Variants in GOLGA4 observed in about 807,000 individuals in gnomAD.
GOLGA4 encodes golgin subfamily A member 4.
A neutral mutation model predicts 265.9 loss-of-function variants in GOLGA4; 169 were observed. The observed-to-expected ratio is 0.64, with a 90% CI of 0.56 to 0.72. The LOEUF is 0.72. Ranked by LOEUF, GOLGA4 falls within the 30% of genes least tolerant of loss-of-function variation. The probability of loss-of-function intolerance (pLI) is 0.00; values close to 1 mark genes in which losing one functional copy is unlikely to be tolerated. For synonymous variants in GOLGA4, 923 were observed against 855.8 expected, an observed-to-expected ratio of 1.08 and a Z score of -1.37; for missense variants, 2,482 against 2,483.4, an observed-to-expected ratio of 1.00 and a Z score of 0.01.
rs1249058764 is a variant in GOLGA4 at position 37,315,433 on chromosome 3, T to G, written c.1248T>G (p.Leu416=). The G allele has an allele frequency of 6.2e-7, 1 of 1,610,796 alleles. No individual in the cohort carries two copies. The highest frequency in any genetic ancestry group is 8.5e-7 in the Non-Finnish European group (1 of 1,179,010). Residue 416 remains leucine, a synonymous_variant, in exon 11 of 24, where the codon CTT becomes CTG. Coordinates refer to ENST00000361924, the MANE Select transcript of GOLGA4 (RefSeq NM_002078.5). ...TTTTCATTATAGCTTTTGAGGAACT[T>G]GAAAAAGCTTTGAGTACAGCCCAAA... is the stretch of plus-strand genomic sequence containing the variant. ...EKSERAAFEE[L]EKALSTAQKT...
Position 37,282,002 on chromosome 3 carries a change from G to C in GOLGA4, c.207G>C (p.Val69=). The change falls in exon 3 of 24, where the codon GTG becomes GTC. Residue 69 remains valine, a synonymous_variant. Transcript: ENST00000361924. ...QSFAQKLQLR[V]PSVESLFRSP... Reference sequence around the variant, plus strand: ...TTGCACAGAAGCTCCAGCTCCGGGTGCCCTCCGTGGAGTCTTTGTTTCGAA... The same window carrying C: ...TTGCACAGAAGCTCCAGCTCCGGGTCCCCTCCGTGGAGTCTTTGTTTCGAA... 5 of 1,614,052 alleles carry C rather than the reference G, an allele frequency of 3.1e-6. No individual in the cohort carries two copies. The highest frequency in any genetic ancestry group is 4.2e-6 in the Non-Finnish European group (5 of 1,179,922).
chr3:37,307,971 C>T (rs779119511), intron 10 of GOLGA4, among the ~76,000 whole-genome samples: 1 of 152,152 alleles, frequency 6.6e-6, no homozygotes, highest in Admixed American at 6.5e-5. Flanking sequence ...CGGTGGCTCA[C>T]GCCCGAAATC....
chr3:37,315,110 A>G (rs1248881548), intron 10 of GOLGA4, among the ~76,000 whole-genome samples: 1 of 152,228 alleles, frequency 6.6e-6, no homozygotes, highest in African/African-American at 2.4e-5. Context: ...CTTTAAATGT[A>G]CTATCCATAA....
intron 12 of GOLGA4, 81 bp from the exon 13 acceptor site, chr3:37,321,650 A>G (rs940114881): frequency 1.6e-6 from 2 of 1,271,662 alleles, no homozygotes; most frequent in Admixed American, 2.2e-5. Flanking sequence ...ATCAAAAGAA[A>G]TGAATGATTC....
intron 7 of GOLGA4, among the ~76,000 whole-genome samples, chr3:37,297,314 G>A (rs1256814381): frequency 6.6e-6 from 1 of 152,212 alleles, no homozygotes; most frequent in Non-Finnish European, 1.5e-5. Context: ...ATGGTGGGGT[G>A]GTGGGGCGGC....
intron 7 of GOLGA4, 128 bp from the exon 8 acceptor site, chr3:37,298,705 C>T: frequency 1.6e-6 from 1 of 637,108 alleles, no homozygotes; most frequent in South Asian, 2.5e-5. Context: ...CGAACAATGA[C>T]AGCTTAAAGG....
At position 37,366,193 on chromosome 3, in the gene GOLGA4, T is replaced by A; in HGVS notation, c.*147T>A. ...AAGTTGTCATTCAGGGCCCCTCATG[T>A]AGCCAAAAGACCAAGAAAAATCTGG... On this transcript the variant is annotated 3_prime_UTR_variant, in exon 24 of 24. Coordinates refer to ENST00000361924, the MANE Select transcript of GOLGA4 (RefSeq NM_002078.5). 1 of 1,025,270 alleles carries A rather than the reference T, an allele frequency of 9.8e-7. No homozygotes were observed. The highest frequency in any genetic ancestry group is 1.4e-6 in the Non-Finnish European group (1 of 730,576). 63.5% of individuals were successfully genotyped at this position (1,025,270 alleles called of 1,614,324 possible). A position where few individuals can be genotyped will look rare whatever the true frequency, so the allele number is the denominator to read the frequency against.
intron 10 of GOLGA4, among the ~76,000 whole-genome samples, chr3:37,311,266 T>C (rs1043310945): frequency 6.6e-6 from 1 of 152,192 alleles, no homozygotes; most frequent in Non-Finnish European, 1.5e-5. Context: ...TTGGATATTA[T>C]AAATATATAA....
chr3:37,244,403 C>T (rs1440495598), intron 1 of GOLGA4, among the ~76,000 whole-genome samples: 1 of 152,180 alleles, frequency 6.6e-6, no homozygotes, highest in East Asian at 1.9e-4. Context: ...AATGCGTTTC[C>T]AGGGAAAAGG....
chr3:37,246,002 G>A (rs2096718499), intron 1 of GOLGA4, among the ~76,000 whole-genome samples: 2 of 152,122 alleles, frequency 1.3e-5, no homozygotes, highest in Admixed American at 1.3e-4. Context: ...TGTAATCCCA[G>A]CACTTTGAAT....
Position 37,324,190 on chromosome 3 carries a change from G to C in GOLGA4, c.2304G>C (p.Arg768Ser). Residue 768 changes from arginine (R) to serine (S), a missense_variant, in exon 14 of 24, where the codon AGG becomes AGC. Arg to Ser is a moderately radical substitution (Grantham distance 110). Coordinates refer to ENST00000361924, the MANE Select transcript of GOLGA4 (RefSeq NM_002078.5). ...AACTTGAGCTTCTCTTGAAGGAAAG[G>C]GACAAGCATTTGAAAGAGCATCAGG... The part of the protein sequence containing the change: ...INQLELLLKE[R>S]DKHLKEHQAH... The C allele has an allele frequency of 6.2e-7, 1 of 1,614,122 alleles. No individual in the cohort carries two copies. Among genetic ancestry groups the C allele is most frequent in the Non-Finnish European group, 8.5e-7 (1 of 1,180,016 alleles).
intron 4 of GOLGA4, among the ~76,000 whole-genome samples, chr3:37,286,308 C>G (rs1469097265): frequency 6.7e-6 from 1 of 150,144 alleles, no homozygotes; most frequent in South Asian, 2.1e-4. Flanking sequence ...CGCCCGCCAC[C>G]GCGCCCGGCT....
At chr3:37,250,345 A>G (rs2096730484) in intron 1 of GOLGA4, 1 of 152,232 alleles carries the variant, frequency 6.6e-6, no homozygotes, top group Admixed American at 6.5e-5. Context: ...CAGTTGTCCC[A>G]ACATTTATTG....
chr3:37,271,114 G>T (rs1202733068), intron 2 of GOLGA4, among the ~76,000 whole-genome samples: 1 of 152,144 alleles, frequency 6.6e-6, no homozygotes, highest in African/African-American at 2.4e-5. Context: ...AGGTGGTAAT[G>T]CGAGTGACGG....
intron 20 of GOLGA4, among the ~76,000 whole-genome samples, chr3:37,340,743 C>T (rs1265691873): frequency 1.3e-5 from 2 of 152,178 alleles, no homozygotes; most frequent in Non-Finnish European, 2.9e-5. Context: ...ATATAATGTC[C>T]TCCAGGTTCA....
chr3:37,270,980 T>A (rs1158144633), intron 2 of GOLGA4, among the ~76,000 whole-genome samples: 1 of 151,812 alleles, frequency 6.6e-6, no homozygotes, highest in East Asian at 1.9e-4. Flanking sequence ...CAGTGACAGA[T>A]CATCAGGCAT....
chr3:37,246,936 A>T (rs2096721303), intron 1 of GOLGA4, among the ~76,000 whole-genome samples: 1 of 152,194 alleles, frequency 6.6e-6, no homozygotes. Context: ...AAAAACAAAA[A>T]AACCAGCAAA....
chr3:37,265,462 C>T (rs2096781180), intron 2 of GOLGA4, among the ~76,000 whole-genome samples: 1 of 152,110 alleles, frequency 6.6e-6, no homozygotes. Flanking sequence ...TGTTCTCATG[C>T]TATTTTTTGA....
chr3:37,285,861 T>A (rs1216367712), intron 3 of GOLGA4, among the ~76,000 whole-genome samples, 153 bp from the exon 4 acceptor site: 1 of 152,240 alleles, frequency 6.6e-6, no homozygotes, highest in Non-Finnish European at 1.5e-5. Flanking sequence ...GTATGTCCTA[T>A]GTTAGTTTTG....
Sources: gnomAD v4.1 joint callset for allele counts (sites outside exome capture counted in the v4.1 genomes callset) on GRCh38, gnomAD v4.1.1 for gene constraint, MANE v1.5 for transcripts, NCBI Gene and HGNC (gene_info 2026-07-23, HGNC 2026-07-21) for gene names.